The following DNAH17 variants were observed in gnomAD, a reference collection of about 807,000 sequenced individuals.
DNAH17 encodes the protein dynein axonemal heavy chain 17, also known as axonemal beta dynein heavy chain 17.
Under a neutral mutation model 485.6 loss-of-function variants are expected in DNAH17, and 376 were observed. The ratio of observed to expected loss-of-function variants is 0.77; its 90% CI spans 0.71 to 0.84. The LOEUF (loss-of-function observed/expected upper bound fraction) is 0.84. Ranked by LOEUF, DNAH17 falls within the 40% of genes least tolerant of loss-of-function variation. DNAH17 has a pLI of 0.00. For synonymous variants in DNAH17, 3,031 were observed against 2,405.9 expected (o/e 1.26, Z -7.60); for missense variants, 6,370 against 5,839.3 (o/e 1.09, Z -2.96).
chr17:78,458,705 C>G (rs2087929706), intron 61 of DNAH17, 25 bp from the exon 62 acceptor site: 1 of 1,594,954 alleles, frequency 6.3e-7, no homozygotes, highest in Admixed American at 1.7e-5. Flanking sequence ...TGGAAAGCTG[C>G]TGGAAAACCC....
chr17:78,476,841 C>G lies in DNAH17; in HGVS notation c.7993-108G>C, dbSNP rs1345123632. 7 of 1,310,736 alleles carry G rather than the reference C, an allele frequency of 5.3e-6. No individual in the cohort carries two copies. The Admixed American group carries it at 1.6e-4, about 31-fold the overall frequency. 81.2% of individuals were successfully genotyped at this position (1,310,736 alleles called of 1,614,324 possible). On this transcript the variant is annotated intron_variant, in intron 51 of 80. Transcript: ENST00000389840. ...GCCCCCTCCCCCGGGGCGAGGGGACCTGTTCAGCTGTTGGCACAGCATTCA... is the reference window on the plus strand; with the variant it reads ...GCCCCCTCCCCCGGGGCGAGGGGACGTGTTCAGCTGTTGGCACAGCATTCA...
At position 78,570,320 on chromosome 17, in the gene DNAH17, G is replaced by A. The variant is rs1447591232; in HGVS notation, c.971C>T (p.Thr324Ile). The A allele has an allele frequency of 6.2e-7, 1 of 1,607,872 alleles. No individual in the cohort carries two copies. The change falls in exon 7 of 81, where the codon ACC (threonine) becomes ATC (isoleucine). Residue 324 changes from threonine to isoleucine, a missense_variant. Transcript: ENST00000389840. ...VLDTICFIWA[T>I]SEYYNTPARI... ...GGCAGGTGTGTTATAGTACTCAGAG[G>A]TGGCCCAGATGAAGCAGATGGTGTC...
chr17:78,507,432 C>A, intron 28 of DNAH17, 26 bp downstream of exon 28: 2 of 1,613,322 alleles, frequency 1.2e-6, no homozygotes, highest in Non-Finnish European at 1.7e-6. Context: ...TTCTGAAGTG[C>A]GTGGGAACCA....
At position 78,451,535 on chromosome 17, in the gene DNAH17, A is replaced by C; in HGVS notation, c.10668T>G (p.Asp3556Glu). The change falls in exon 66 of 81, where the codon GAT becomes GAG. Residue 3556 changes from aspartate (D) to glutamate (E), a missense_variant. By Grantham distance (45) the Asp-to-Glu change is conservative. Transcript: ENST00000389840. ...CTLINFLVTR[D>E]GLEDQLLAAV... Reference sequence around the variant, plus strand: ...CGGCCAAGAGTTGGTCCTCGAGTCCATCCCTGGTGACCAGGAAGTTGATGA... The same window carrying C: ...CGGCCAAGAGTTGGTCCTCGAGTCCCTCCCTGGTGACCAGGAAGTTGATGA... The C allele has an allele frequency of 1.9e-6, 3 of 1,613,726 alleles. No homozygotes were observed. In the East Asian group the frequency reaches 6.7e-5, roughly 36 times the overall value.
At chr17:78,472,325 A>AGTGGGGGTGCGAGGGTTAGGGTTAGGGG (rs1361053379) in intron 54 of DNAH17, among the ~76,000 whole-genome samples, 3 of 137,652 alleles carry the variant, frequency 2.2e-5, no homozygotes, top group Non-Finnish European at 4.5e-5. Flanking sequence ...AGGGTTAGGG[A>AGTGGGGGTGCGAGGGTTAGGGTTAGGGG]ATGGGGGTGC....
At position 78,486,104 on chromosome 17, in the gene DNAH17, T is replaced by C; in HGVS notation, c.7131A>G (p.Lys2377=). The C allele has an allele frequency of 6.2e-7, 1 of 1,613,892 alleles. No individual in the cohort carries two copies. The highest frequency in any genetic ancestry group is 1.1e-5 in the South Asian group (1 of 91,066). ...QLVDYRVEFS[K]WWINEFKTIK... Reference sequence around the variant, plus strand: ...TAGTCTTGAATTCGTTGATCCACCATTTACTGAACTCCACTCGATAATCCA... The same window carrying C: ...TAGTCTTGAATTCGTTGATCCACCACTTACTGAACTCCACTCGATAATCCA... Residue 2377 remains lysine (K), a synonymous_variant, in exon 46 of 81, where the codon AAA becomes AAG. Coordinates refer to ENST00000389840, the MANE Select transcript of DNAH17 (RefSeq NM_173628.4).
At position 78,462,856 on chromosome 17, in the gene DNAH17, G is replaced by C; in HGVS notation, c.9162C>G (p.Ser3054Arg). Reference sequence around the variant, plus strand: ...CCCCCTCTCCTACCTGGGAAGCCGTGCTCTGCAGCTTCATCAGGCCGTTCT... The same window carrying C: ...CCCCCTCTCCTACCTGGGAAGCCGTCCTCTGCAGCTTCATCAGGCCGTTCT... ...RLENGLMKLQ[S>R]TASQVDDLKA... The change falls in exon 57 of 81, where the codon AGC becomes AGG. Residue 3054 changes from serine to arginine, a missense_variant. Transcript: ENST00000389840. The C allele has an allele frequency of 1.2e-6, 2 of 1,613,914 alleles. No individual in the cohort carries two copies. Among genetic ancestry groups the C allele is most frequent in the Non-Finnish European group, 1.7e-6 (2 of 1,179,872 alleles).
rs144260048 is a variant in DNAH17, at chr17:78,549,930, G to A, written c.2391+1605C>T. 1.2e-4 allele frequency among the ~76,000 whole-genome samples: 19 copies of A among 152,324 alleles called. No homozygotes were observed. In the East Asian group the frequency reaches 3.3e-3, roughly 26 times the overall value. Reference sequence around the variant, plus strand: ...CTGGATTTAACAGTTCAGTAGAGGAGAGAGAGAGAACAGCCACAGAGGAGG... The same window carrying A: ...CTGGATTTAACAGTTCAGTAGAGGAAAGAGAGAGAACAGCCACAGAGGAGG... On this transcript the variant is annotated intron_variant, in intron 16 of 80. Transcript: ENST00000389840.
chr17:78,543,648 C>G, intron 17 of DNAH17: 1 of 700,918 alleles, frequency 1.4e-6, no homozygotes, highest in Non-Finnish European at 2.4e-6. Context: ...TGGTCTCGAT[C>G]TCCTGACATT....
intron 35 of DNAH17, 182 bp downstream of exon 35, chr17:78,501,002 G>A: frequency 1.6e-6 from 1 of 631,928 alleles, no homozygotes; most frequent in Non-Finnish European, 2.4e-6. Flanking sequence ...CTCTCCCAAG[G>A]CCACACAGCC....
rs527266635 is a variant in DNAH17 at position 78,451,615 on chromosome 17, G to A, written c.10588C>T (p.His3530Tyr). The change falls in exon 66 of 81, where the codon CAC becomes TAC. Residue 3530 changes from histidine to tyrosine, a missense_variant. By Grantham distance (83) the His-to-Tyr change is moderately conservative (BLOSUM62 2). Transcript: ENST00000389840. ...TAGTGTGGGTTGAAGTACTTGGTGT[G>A]TAGGATCAGGCGGAACTTGGGGTGG... Reference protein sequence around the residue: ...EYHPKFRLILHTKYFNPHYKP... With the variant: ...EYHPKFRLILYTKYFNPHYKP... 1 of 1,606,760 alleles carries A rather than the reference G, an allele frequency of 6.2e-7. No individual in the cohort carries two copies. The highest frequency in any genetic ancestry group is 8.5e-7 in the Non-Finnish European group (1 of 1,176,652).
intron 74 of DNAH17, among the ~76,000 whole-genome samples, chr17:78,436,161 T>C (rs1387338744): frequency 6.6e-6 from 1 of 152,240 alleles, no homozygotes; most frequent in African/African-American, 2.4e-5. Flanking sequence ...GCGTGGTGGC[T>C]CACGCCTGTA....
chr17:78,492,658 G>A lies in DNAH17; in HGVS notation c.6516C>T (p.Asn2172=), dbSNP rs1193424962. The A allele has an allele frequency of 6.2e-7, 1 of 1,613,796 alleles. No homozygotes were observed. The highest frequency in any genetic ancestry group is 1.3e-5 in the African/African-American group (1 of 75,036). The change falls in exon 42 of 81, where the codon AAC becomes AAT. Residue 2172 remains asparagine (N), a synonymous_variant. Coordinates refer to ENST00000389840, the MANE Select transcript of DNAH17 (RefSeq NM_173628.4). ...VTCDELFGII[N]PVTREWKDGL... ...CATCTTTCCATTCCCTGGTCACTGG[G>A]TTGATGATGCCAAAGAGCTCGTCGC...
Position 78,434,139 on chromosome 17 carries a change from C to T in DNAH17, c.12115G>A (p.Glu4039Lys). Reference protein sequence around the residue: ...ALCYFHAVVAERRKFGAQGWN... With the variant: ...ALCYFHAVVAKRRKFGAQGWN... ...CCCTGGGCGCCGAACTTGCGCCTCT[C>T]TGCCACCACAGCGTGGAAGTAGCAC... The change falls in exon 75 of 81, where the codon GAG becomes AAG. Residue 4039 changes from glutamate (E) to lysine (K), a missense_variant. Coordinates refer to ENST00000389840, the MANE Select transcript of DNAH17 (RefSeq NM_173628.4). 3 of 1,613,654 alleles carry T rather than the reference C, an allele frequency of 1.9e-6. No individual in the cohort carries two copies. The East Asian group carries it at 6.7e-5, about 36-fold the overall frequency.
intron 25 of DNAH17, 150 bp from the exon 26 acceptor site, chr17:78,515,172 T>G: frequency 9.9e-7 from 1 of 1,013,726 alleles, no homozygotes; most frequent in Admixed American, 2.9e-5. Context: ...AGTGATTAGA[T>G]ACAAGAAAAA....
At position 78,459,896 on chromosome 17, in the gene DNAH17, C is replaced by G; in HGVS notation, c.9541G>C (p.Asp3181His). ...ATCTTGGCCGCCTTCCAGCTCTTGT[C>G]CTTGGGGATCTTGCCCCCAGGTGCG... ...LTAPGGKIPK[D>H]KSWKAAKIMM... is the part of the protein sequence containing the mutation. The change falls in exon 60 of 81, where the codon GAC becomes CAC. Residue 3181 changes from aspartate (D) to histidine (H), a missense_variant. Asp to His is a moderately conservative substitution (Grantham distance 81). Transcript: ENST00000389840. The G allele has an allele frequency of 6.2e-7, 1 of 1,614,024 alleles. No homozygotes were observed. Among genetic ancestry groups the G allele is most frequent in the Admixed American group, 1.7e-5 (1 of 60,028 alleles).
At chr17:78,522,509 G>T in intron 25 of DNAH17, 1 of 334,184 alleles carries the variant, frequency 3.0e-6, no homozygotes, top group South Asian at 2.6e-5. Context: ...GCCTCACGAG[G>T]AGGGACAAGA....
intron 56 of DNAH17, among the ~76,000 whole-genome samples, chr17:78,464,972 G>A (rs948792741): frequency 4.6e-5 from 7 of 152,222 alleles, no homozygotes; most frequent in Middle Eastern, 3.4e-3. Context: ...CTCTCCCCAC[G>A]GTCTCCCTCT....
At chr17:78,559,722 T>G (rs1204392028) in intron 13 of DNAH17, among the ~76,000 whole-genome samples, 3 of 152,180 alleles carry the variant, frequency 2.0e-5, no homozygotes, top group Admixed American at 6.5e-5. Context: ...GGCTGCCATC[T>G]TGCTCAAACC....
Sources: allele counts gnomAD v4.1 joint callset (sites outside exome capture counted in the v4.1 genomes callset), GRCh38; gene constraint gnomAD v4.1.1; transcripts MANE v1.5; gene names NCBI Gene and HGNC (gene_info 2026-07-23, HGNC 2026-07-21).